The following TICAM1 variants were observed in gnomAD, a reference collection of about 807,000 sequenced individuals.
The protein encoded by TICAM1 is TIR domain-containing adapter molecule 1.
For missense variants in TICAM1, 895 were observed against 938.2 expected (o/e 0.95, Z 0.60); for synonymous variants, 439 against 415.4 (o/e 1.06, Z -0.69).
rs1284363590 is a variant in TICAM1 at position 4,816,746 on chromosome 19, C to G, written c.1632G>C (p.Gln544His). 5.6e-6 allele frequency: 9 copies of G among 1,613,686 alleles called. No individual in the cohort carries two copies. In the Admixed American group the frequency reaches 1.5e-4, roughly 27 times the overall value. The part of the protein sequence containing the change: ...QARKAMWRKE[Q>H]DTRALREQSQ... ...TCTGTTCCCGCAGGGCTCGGGTGTC[C>G]TGTTCCTTCCTCCACATGGCCTTTC... Residue 544 changes from glutamine (Q) to histidine (H), a missense_variant, in exon 2 of 2, where the codon CAG becomes CAC. By Grantham distance (24) the Gln-to-His change is conservative. Coordinates refer to ENST00000248244, the MANE Select transcript of TICAM1 (RefSeq NM_182919.4). This position sits in a 1 kb window ranked among gnomAD's most constrained non-coding sequence, Gnocchi z 4.3.
rs539314470 is a variant in TICAM1, at chr19:4,829,805, CTTTTTTTTTT to C, written c.-140+1799_-140+1808del. 1.3e-4 allele frequency among the ~76,000 whole-genome samples: 11 copies of C among 87,646 alleles called. 1 individual carries two copies. The South Asian group carries it at 1.6e-3, about 13-fold the overall frequency. The allele number at this position is 87,646 out of a possible 152,430, so 57.5% of individuals were successfully genotyped here. A position where few individuals can be genotyped will look rare whatever the true frequency, so the allele number is the denominator to read the frequency against. The stretch of plus-strand genomic sequence containing the variant: ...AAATTTTTGATTTTTAATTTCATTT[CTTTTTTTTTT>C]TTTTTTTTTTTTTGACACAGAGTCT... On this transcript the variant is annotated intron_variant, in intron 1 of 1. Transcript: ENST00000248244.
At chr19:4,826,352 T>G (rs538785111) in intron 1 of TICAM1, among the ~76,000 whole-genome samples, 8 of 151,710 alleles carry the variant, frequency 5.3e-5, no homozygotes, top group Non-Finnish European at 1.2e-4. Context: ...GGAGATGGAG[T>G]CTTGCTCCAT....
intron 1 of TICAM1, among the ~76,000 whole-genome samples, chr19:4,828,743 G>A (rs1442828896): frequency 1.6e-5 from 2 of 128,604 alleles, no homozygotes; most frequent in Admixed American, 8.2e-5. Flanking sequence ...TCCCTCTGTC[G>A]CCAGGCTGGA....
In TICAM1 at chr19:4,817,875, G is replaced by C. The variant is rs1461624013; in HGVS notation, c.503C>G (p.Ser168Cys). Residue 168 changes from serine to cysteine, a missense_variant, in exon 2 of 2, where the codon TCC (serine) becomes TGC (cysteine). By Grantham distance (112) the Ser-to-Cys change is moderately radical. Coordinates refer to ENST00000248244, the MANE Select transcript of TICAM1 (RefSeq NM_182919.4). The surrounding 1 kb of genome is among the most constrained non-coding windows in gnomAD (Gnocchi z 4.7). ...CCTGGTCCCAGAGGGCAAAGCCGAG[G>C]ATGGTGGGAGGCAGCCCAGATTGGA... ...LQSNLGCLPP[S>C]SALPSGTRSL... The C allele has an allele frequency of 6.2e-7, 1 of 1,613,634 alleles. No individual in the cohort carries two copies. The highest frequency in any genetic ancestry group is 8.5e-7 in the Non-Finnish European group (1 of 1,179,946).
In TICAM1 at chr19:4,817,234, A is replaced by G; in HGVS notation, c.1144T>C (p.Phe382Leu). The G allele has an allele frequency of 6.2e-7, 1 of 1,611,294 alleles. No individual in the cohort carries two copies. The highest frequency in any genetic ancestry group is 8.5e-7 in the Non-Finnish European group (1 of 1,179,212). Residue 382 changes from phenylalanine (F) to leucine (L), a missense_variant, in exon 2 of 2, where the codon TTC becomes CTC. Coordinates refer to ENST00000248244, the MANE Select transcript of TICAM1 (RefSeq NM_182919.4). This position sits in a 1 kb window ranked among gnomAD's most constrained non-coding sequence, Gnocchi z 4.7. The part of the protein sequence containing the change: ...CSAHLTPSSL[F>L]PSSLESSSEQ... ...GATGATGATTCCAGGGAGGAAGGGAACAGGGAGGAGGGGGTCAGGTGAGCT... is the reference window on the plus strand; with the variant it reads ...GATGATGATTCCAGGGAGGAAGGGAGCAGGGAGGAGGGGGTCAGGTGAGCT...
chr19:4,830,772 G>T (rs1035097017), intron 1 of TICAM1, among the ~76,000 whole-genome samples: 3 of 152,202 alleles, frequency 2.0e-5, no homozygotes, highest in African/African-American at 7.2e-5. Context: ...AGGGGACCAC[G>T]GTGGTCAAGG....
chr19:4,816,166 G>A lies in TICAM1; in HGVS notation c.*73C>T. 1 of 1,444,276 alleles carries A rather than the reference G, an allele frequency of 6.9e-7. No homozygotes were observed. Among genetic ancestry groups the A allele is most frequent in the Non-Finnish European group, 9.1e-7 (1 of 1,104,356 alleles). 89.5% of individuals were successfully genotyped at this position (1,444,276 alleles called of 1,614,324 possible). A position where few individuals can be genotyped will look rare whatever the true frequency, so the allele number is the denominator to read the frequency against. ...TGTCCACAGGGCACAGGGCAGACCG[G>A]GGTGCTCTATGGGGTCCTGGCCGAT... On this transcript the variant is annotated 3_prime_UTR_variant, in exon 2 of 2. Coordinates refer to ENST00000248244, the MANE Select transcript of TICAM1 (RefSeq NM_182919.4). The surrounding 1 kb of genome is among the most constrained non-coding windows in gnomAD (Gnocchi z 4.3).
At chr19:4,827,303 G>A (rs1599147803) in intron 1 of TICAM1, among the ~76,000 whole-genome samples, 1 of 146,960 alleles carries the variant, frequency 6.8e-6, no homozygotes, top group Non-Finnish European at 1.5e-5. Flanking sequence ...CCCGGGAGGC[G>A]GAGGTTGCGG....
At chr19:4,827,564 C>T (rs1039401556) in intron 1 of TICAM1, among the ~76,000 whole-genome samples, 1 of 151,584 alleles carries the variant, frequency 6.6e-6, no homozygotes, top group African/African-American at 2.4e-5. Context: ...CGAGACCGTG[C>T]TGGCTAACAC....
In TICAM1 at chr19:4,816,451, G is replaced by A. The variant is rs371551573; in HGVS notation, c.1927C>T (p.Pro643Ser). 1.0e-5 allele frequency: 16 copies of A among 1,554,440 alleles called. No individual in the cohort carries two copies. Among genetic ancestry groups the A allele is most frequent in the Non-Finnish European group, 1.3e-5 (15 of 1,152,092 alleles). The change falls in exon 2 of 2, where the codon CCG (proline) becomes TCG (serine). Residue 643 changes from proline to serine, a missense_variant. Pro to Ser is a moderately conservative substitution (Grantham distance 74). Coordinates refer to ENST00000248244, the MANE Select transcript of TICAM1 (RefSeq NM_182919.4). This position sits in a 1 kb window ranked among gnomAD's most constrained non-coding sequence, Gnocchi z 4.3. Reference protein sequence around the residue: ...LHAWQAGTPPPPSPQPAAFPQ... With the variant: ...LHAWQAGTPPSPSPQPAAFPQ... The stretch of plus-strand genomic sequence containing the variant: ...AAGGCTGCTGGCTGTGGGGAGGGCG[G>A]TGGGGGGGTGCCAGCCTGCCATGCG...
In TICAM1 at chr19:4,817,998, G is replaced by A. The variant is rs2093590471; in HGVS notation, c.380C>T (p.Ser127Phe). Reference protein sequence around the residue: ...AYQEAVRTLSSRDDHRLGELQ... With the variant: ...AYQEAVRTLSFRDDHRLGELQ... Reference sequence around the variant, plus strand: ...TTCCCCCAGCCGGTGGTCGTCCCTGGAGCTGAGGGTGCGGACGGCTTCCTG... The same window carrying A: ...TTCCCCCAGCCGGTGGTCGTCCCTGAAGCTGAGGGTGCGGACGGCTTCCTG... Residue 127 changes from serine (S) to phenylalanine (F), a missense_variant, in exon 2 of 2, where the codon TCC becomes TTC. Ser to Phe is a radical substitution (Grantham distance 155). Transcript: ENST00000248244. The surrounding 1 kb of genome is among the most constrained non-coding windows in gnomAD (Gnocchi z 4.7). The A allele has an allele frequency of 3.7e-6, 6 of 1,612,496 alleles. No homozygotes were observed. The highest frequency in any genetic ancestry group is 5.1e-6 in the Non-Finnish European group (6 of 1,179,890).
In TICAM1 at chr19:4,816,133, T is replaced by A. The variant is rs919583183; in HGVS notation, c.*106A>T. 4.4e-6 allele frequency: 6 copies of A among 1,351,166 alleles called. No individual in the cohort carries two copies. The highest frequency in any genetic ancestry group is 3.0e-5 in the African/African-American group (2 of 67,416). The allele number at this position is 1,351,166 out of a possible 1,614,324, so 83.7% of individuals were successfully genotyped here. A position where few individuals can be genotyped will look rare whatever the true frequency, so the allele number is the denominator to read the frequency against. On this transcript the variant is annotated 3_prime_UTR_variant, in exon 2 of 2. Coordinates refer to ENST00000248244, the MANE Select transcript of TICAM1 (RefSeq NM_182919.4). This position sits in a 1 kb window ranked among gnomAD's most constrained non-coding sequence, Gnocchi z 4.3. ...GTCCTGAAAGTGGCAGATGACCTCATCTTCCACTGTCCACAGGGCACAGGG... is the reference window on the plus strand; with the variant it reads ...GTCCTGAAAGTGGCAGATGACCTCAACTTCCACTGTCCACAGGGCACAGGG...
At chr19:4,830,378 A>G (rs1192169268) in intron 1 of TICAM1, among the ~76,000 whole-genome samples, 1 of 151,858 alleles carries the variant, frequency 6.6e-6, no homozygotes, top group Non-Finnish European at 1.5e-5. Flanking sequence ...GCACCCGGCT[A>G]ACTTTCTTTT....
At chr19:4,822,280 T>A (rs192694649) in intron 1 of TICAM1, among the ~76,000 whole-genome samples, 9 of 151,512 alleles carry the variant, frequency 5.9e-5, no homozygotes, top group Non-Finnish European at 1.2e-4. Flanking sequence ...TCTCGCTCTG[T>A]CGCCCAGGCT....
rs111320323 is a variant in TICAM1, at chr19:4,815,951, T to C, written c.*288A>G. On this transcript the variant is annotated 3_prime_UTR_variant, in exon 2 of 2. Transcript: ENST00000248244. ...TGCGGAAGCATTCAATAAATATTTA[T>C]TATAATTAAAAGACCGTAGCAATAC... The C allele has an allele frequency of 1.7e-4, 50 of 298,886 alleles. No homozygotes were observed. The highest frequency in any genetic ancestry group is 1.0e-3 in the African/African-American group (48 of 46,332). 18.5% of individuals were successfully genotyped at this position (298,886 alleles called of 1,614,324 possible). A position where few individuals can be genotyped will look rare whatever the true frequency, so the allele number is the denominator to read the frequency against.
chr19:4,828,352 T>C (rs2093608876), intron 1 of TICAM1, among the ~76,000 whole-genome samples: 1 of 149,844 alleles, frequency 6.7e-6, no homozygotes. Flanking sequence ...ATCCTCCCAC[T>C]CAGCCTCCCA....
intron 1 of TICAM1, among the ~76,000 whole-genome samples, chr19:4,828,381 C>T (rs2093608939): frequency 6.6e-6 from 1 of 151,692 alleles, no homozygotes; most frequent in Non-Finnish European, 1.5e-5. Flanking sequence ...GGACTACAGG[C>T]ACATGCCACC....
Position 4,816,518 on chromosome 19 carries a change from G to A in TICAM1, c.1860C>T (p.Pro620=). The A allele has an allele frequency of 1.3e-6, 2 of 1,594,586 alleles. No individual in the cohort carries two copies. The highest frequency in any genetic ancestry group is 1.7e-6 in the Non-Finnish European group (2 of 1,171,546). The part of the protein sequence containing the change: ...GGQVPLGAPP[P]FPTWPGCPQP... ...GCGGGCACCCCGGCCAAGTGGGAAA[G>A]GGTGGCGGGGCTCCCAGGGGCACCT... The change falls in exon 2 of 2, where the codon CCC becomes CCT. Residue 620 remains proline, a synonymous_variant. Coordinates refer to ENST00000248244, the MANE Select transcript of TICAM1 (RefSeq NM_182919.4). The surrounding 1 kb of genome is among the most constrained non-coding windows in gnomAD (Gnocchi z 4.3).
chr19:4,817,871 C>T lies in TICAM1; in HGVS notation c.507G>A (p.Ser169=), dbSNP rs369799199. The T allele has an allele frequency of 6.0e-5, 97 of 1,613,452 alleles. No individual in the cohort carries two copies. In the East Asian group the frequency reaches 7.1e-4, roughly 12 times the overall value. The change falls in exon 2 of 2, where the codon TCG becomes TCA. Residue 169 remains serine, a synonymous_variant. Transcript: ENST00000248244. The surrounding 1 kb of genome is among the most constrained non-coding windows in gnomAD (Gnocchi z 4.7). ...QSNLGCLPPS[S]ALPSGTRSLP... ...GGCTCCTGGTCCCAGAGGGCAAAGCCGAGGATGGTGGGAGGCAGCCCAGAT... is the reference window on the plus strand; with the variant it reads ...GGCTCCTGGTCCCAGAGGGCAAAGCTGAGGATGGTGGGAGGCAGCCCAGAT...
Sources: gnomAD v4.1 joint callset for allele counts (sites outside exome capture counted in the v4.1 genomes callset) on GRCh38, gnomAD v4.1.1 for gene constraint, Gnocchi (gnomAD v3.1) non-coding constraint, MANE v1.5 for transcripts, NCBI Gene and HGNC (gene_info 2026-07-23, HGNC 2026-07-21) for gene names.